The following FAM83H variants were observed in gnomAD, a reference collection of about 807,000 sequenced individuals.
FAM83H encodes the protein scaffolding CK1 anchoring protein H, also known as protein FAM83H.
FAM83H carries 24 observed loss-of-function variants against 30.2 expected under a neutral mutation model. That is an observed-to-expected ratio of 0.79 (90% CI 0.57 to 1.12). FAM83H has a LOEUF of 1.12. FAM83H is among the 50% of genes most tolerant of loss of function. The pLI, the probability that FAM83H is intolerant of heterozygous loss-of-function variation, is 0.00. For synonymous variants in FAM83H, 1,013 were observed against 821.7 expected (o/e 1.23, Z -3.98); for missense variants, 2,038 against 1,773.9 (o/e 1.15, Z -2.67).
Position 143,726,073 on chromosome 8 carries a change from T to C in FAM83H, c.3388A>G (p.Lys1130Glu), listed in dbSNP as rs1818277410. The change falls in exon 5 of 5, where the codon AAG becomes GAG. Residue 1130 changes from lysine to glutamate, a missense_variant. Coordinates refer to ENST00000388913, the MANE Select transcript of FAM83H (RefSeq NM_198488.5). ...ACCTCGAAGCGGCTGTACACGCGCT[T>C]CTCCTTGCGCATGCTCTCCATGCGG... ...LRRMESMRKE[K>E]RVYSRFEVFC... 1.2e-6 allele frequency: 2 copies of C among 1,611,982 alleles called. No individual in the cohort carries two copies. Among genetic ancestry groups the C allele is most frequent in the Non-Finnish European group, 1.7e-6 (2 of 1,179,696 alleles).
rs1478428095 is a variant in FAM83H at position 143,733,102 on chromosome 8, G to C, written c.-16+589C>G. 6.5e-6 allele frequency: 1 copy of C among 154,532 alleles called. No homozygotes were observed. The highest frequency in any genetic ancestry group is 1.5e-5 in the Non-Finnish European group (1 of 68,370). 9.6% of individuals were successfully genotyped at this position (154,532 alleles called of 1,614,324 possible). ...TGGGGTGCGGAGGACGGGGCTCACAGACCGGAAGTCGCTCAGTGATAACTT... is the reference window on the plus strand; with the variant it reads ...TGGGGTGCGGAGGACGGGGCTCACACACCGGAAGTCGCTCAGTGATAACTT... On this transcript the variant is annotated intron_variant, in intron 1 of 4. Transcript: ENST00000388913. This position sits in a 1 kb window ranked among gnomAD's most constrained non-coding sequence, Gnocchi z 5.6.
rs1275219355 is a variant in FAM83H at position 143,727,060 on chromosome 8, G to C, written c.2401C>G (p.Leu801Val). ...LDLRDSFAQQ[L>V]HQEAERQPGA... ...GGCTGCCGCTCCGCCTCCTGGTGCA[G>C]CTGCTGTGCAAAGGAGTCGCGCAGG... The change falls in exon 5 of 5, where the codon CTG (leucine) becomes GTG (valine). Residue 801 changes from leucine (L) to valine (V), a missense_variant. Physicochemically the swap from Leu to Val is conservative, Grantham distance 32 (BLOSUM62 1). Coordinates refer to ENST00000388913, the MANE Select transcript of FAM83H (RefSeq NM_198488.5). 6.5e-7 allele frequency: 1 copy of C among 1,549,308 alleles called. No individual in the cohort carries two copies. The highest frequency in any genetic ancestry group is 8.7e-7 in the Non-Finnish European group (1 of 1,153,552).
rs531814884 is a variant in FAM83H at position 143,726,215 on chromosome 8, T to C, written c.3246A>G (p.Pro1082=). 302 of 1,612,220 alleles carry C rather than the reference T, an allele frequency of 1.9e-4. 3 individuals are homozygous for C. In the South Asian group the frequency reaches 3.2e-3, roughly 17 times the overall value. The change falls in exon 5 of 5, where the codon CCA becomes CCG. Residue 1082 remains proline, a synonymous_variant. Coordinates refer to ENST00000388913, the MANE Select transcript of FAM83H (RefSeq NM_198488.5). The stretch of plus-strand genomic sequence containing the variant: ...AACACTTGTCCTTGTCGGACATATC[T>C]GGGGCCAGGACGCCAGCAGCCGGTG... The part of the protein sequence containing the change: ...GRPPAAGVLA[P]DMSDKDKCSA...
At position 143,725,156 on chromosome 8, in the gene FAM83H, C is replaced by CGGGGGGGGGGGGGGGGGGGGGGGAG. The variant is rs549881150; in HGVS notation, c.*764_*765insCTCCCCCCCCCCCCCCCCCCCCCCC. On this transcript the variant is annotated 3_prime_UTR_variant, in exon 5 of 5. Transcript: ENST00000388913. The stretch of plus-strand genomic sequence containing the variant: ...AAGCCCAGGCGGGGGAGGGGGGAGA[C>CGGGGGGGGGGGGGGGGGGGGGGGAG]GGGGGGGGGGGGGGGGGAGGGAAGG... The CGGGGGGGGGGGGGGGGGGGGGGGAG allele has an allele frequency of 2.7e-5, 1 of 37,534 alleles. No homozygotes were observed. The highest frequency in any genetic ancestry group is 5.5e-5 in the Non-Finnish European group (1 of 18,070). The allele number at this position is 37,534 out of a possible 1,614,324, so 2.3% of individuals were successfully genotyped here.
chr8:143,724,188 A>AG lies in FAM83H; in HGVS notation c.*1732dup, dbSNP rs1366615151. ...CAGGCACCTTTCCCACCTGGCCAGA[A>AG]GTCCCTGCTGTCATCCCGACTTGCA... On this transcript the variant is annotated 3_prime_UTR_variant, in exon 5 of 5. Coordinates refer to ENST00000388913, the MANE Select transcript of FAM83H (RefSeq NM_198488.5). The AG allele has an allele frequency of 6.6e-6, 1 of 152,198 alleles. No homozygotes were observed. The highest frequency in any genetic ancestry group is 2.4e-5 in the African/African-American group (1 of 41,428). The allele number at this position is 152,198 out of a possible 1,614,324, so 9.4% of individuals were successfully genotyped here. A position where few individuals can be genotyped will look rare whatever the true frequency, so the allele number is the denominator to read the frequency against.
chr8:143,728,245 C>A lies in FAM83H; in HGVS notation c.1216G>T (p.Ala406Ser). ...GTCGCGAAGCTGTGCCGCTTGAAGG[C>A]GTCCATCTCCAGGTGCCGCGCCTGG... ...FFQARHLEMD[A>S]FKRHSFATEG... The change falls in exon 5 of 5, where the codon GCC becomes TCC. Residue 406 changes from alanine (A) to serine (S), a missense_variant. Physicochemically the swap from Ala to Ser is moderately conservative, Grantham distance 99. Transcript: ENST00000388913. 6.4e-7 allele frequency: 1 copy of A among 1,574,690 alleles called. No individual in the cohort carries two copies. Among genetic ancestry groups the A allele is most frequent in the Non-Finnish European group, 8.6e-7 (1 of 1,166,812 alleles).
chr8:143,728,646 T>TC lies in FAM83H; in HGVS notation c.814dup (p.Glu272GlyfsTer53). ...CTGCGCGAAGAGGATGCGGAACTCC[T>TC]CGTCGAAGCTGGAGACCAGCTCTCC... On this transcript the variant is annotated frameshift_variant, in exon 5 of 5. Coordinates refer to ENST00000388913, the MANE Select transcript of FAM83H (RefSeq NM_198488.5). LOFTEE classifies it low-confidence loss of function (END_TRUNC). 6.2e-7 allele frequency: 1 copy of TC among 1,606,904 alleles called. No homozygotes were observed. Among genetic ancestry groups the TC allele is most frequent in the Non-Finnish European group, 8.5e-7 (1 of 1,179,876 alleles).
In FAM83H at chr8:143,726,847, T is replaced by C. The variant is rs1278738247; in HGVS notation, c.2614A>G (p.Thr872Ala). Reference sequence around the variant, plus strand: ...CCCTTCCGCTCAGGGTAAGCCGAGGTGGGGCTCCCTTTTGACTCATTATGG... The same window carrying C: ...CCCTTCCGCTCAGGGTAAGCCGAGGCGGGGCTCCCTTTTGACTCATTATGG... ...VLHNESKGSP[T>A]SAYPERKGSP... The change falls in exon 5 of 5, where the codon ACC becomes GCC. Residue 872 changes from threonine (T) to alanine (A), a missense_variant. Physicochemically the swap from Thr to Ala is moderately conservative, Grantham distance 58. Coordinates refer to ENST00000388913, the MANE Select transcript of FAM83H (RefSeq NM_198488.5). The C allele has an allele frequency of 6.1e-5, 98 of 1,612,862 alleles. No individual in the cohort carries two copies. Among genetic ancestry groups the C allele is most frequent in the Non-Finnish European group, 8.1e-5 (96 of 1,179,936 alleles).
intron 2 of FAM83H, 130 bp from the exon 3 acceptor site, chr8:143,729,453 G>T (rs1318289813): frequency 2.0e-6 from 2 of 1,024,502 alleles, no homozygotes; most frequent in Non-Finnish European, 2.9e-6. Context: ...TCCATCCTAG[G>T]GAGTTGGCGC....
intron 1 of FAM83H, chr8:143,731,820 C>T (rs1818531471): frequency 3.0e-6 from 3 of 985,360 alleles, no homozygotes; most frequent in Admixed American, 1.2e-4. Flanking sequence ...CCACTCTGTT[C>T]TCCAAAGGGT....
rs782076121 is a variant in FAM83H at position 143,727,703 on chromosome 8, G to A, written c.1758C>T (p.Tyr586=). ...CATCCTCGCCGTGGCAGCCGCTCAA[G>A]TAGGAGGCCAAACGCCAGCGCCGCA... is the stretch of plus-strand genomic sequence containing the variant. The part of the protein sequence containing the change: ...AGLRRWRLAS[Y]LSGCHGEDGG... The change falls in exon 5 of 5, where the codon TAC becomes TAT. Residue 586 remains tyrosine (Y), a synonymous_variant. Transcript: ENST00000388913. The A allele has an allele frequency of 6.4e-6, 10 of 1,556,488 alleles. No individual in the cohort carries two copies. The Admixed American group carries it at 1.1e-4, about 17-fold the overall frequency.
chr8:143,727,594 C>T lies in FAM83H; in HGVS notation c.1867G>A (p.Gly623Ser), dbSNP rs1402507014. 7 of 1,582,754 alleles carry T rather than the reference C, an allele frequency of 4.4e-6. No individual in the cohort carries two copies. Among genetic ancestry groups the T allele is most frequent in the Non-Finnish European group, 6.0e-6 (7 of 1,171,506 alleles). ...CGGAAGGCCGAGGGGAGCAGGTCGC[C>T]GGCAGGTGCCCGGCCCCCGGGAGCC... is the stretch of plus-strand genomic sequence containing the variant. ...VLAPGGRAPA[G>S]DLLPSAFRVP... Residue 623 changes from glycine (G) to serine (S), a missense_variant, in exon 5 of 5, where the codon GGC becomes AGC. By Grantham distance (56) the Gly-to-Ser change is moderately conservative. Coordinates refer to ENST00000388913, the MANE Select transcript of FAM83H (RefSeq NM_198488.5).
At position 143,728,707 on chromosome 8, in the gene FAM83H, C is replaced by G. The variant is rs948210399; in HGVS notation, c.754G>C (p.Glu252Gln). ...TGCGCCAGGCTGCGGTGGATCTTCT[C>G]AAAGGACCACATGAAGCTGTGGGGG... ...SGSYSFMWSF[E>Q]KIHRSLAHVF... The change falls in exon 5 of 5, where the codon GAG becomes CAG. Residue 252 changes from glutamate to glutamine, a missense_variant. Physicochemically the swap from Glu to Gln is conservative, Grantham distance 29. Coordinates refer to ENST00000388913, the MANE Select transcript of FAM83H (RefSeq NM_198488.5). 10 of 1,599,628 alleles carry G rather than the reference C, an allele frequency of 6.3e-6. No individual in the cohort carries two copies. The highest frequency in any genetic ancestry group is 8.5e-6 in the Non-Finnish European group (10 of 1,179,866).
chr8:143,725,561 A>T lies in FAM83H; in HGVS notation c.*360T>A. ...CAGTGAGCCCAGACCGCTCAACTGC[A>T]CTCCAGCCCTAGGTCTCAAAAAAAT... is the stretch of plus-strand genomic sequence containing the variant. On this transcript the variant is annotated 3_prime_UTR_variant, in exon 5 of 5. Coordinates refer to ENST00000388913, the MANE Select transcript of FAM83H (RefSeq NM_198488.5). 2.6e-6 allele frequency: 1 copy of T among 381,222 alleles called. No homozygotes were observed. Among genetic ancestry groups the T allele is most frequent in the Non-Finnish European group, 4.9e-6 (1 of 205,684 alleles). The allele number at this position is 381,222 out of a possible 1,614,324, so 23.6% of individuals were successfully genotyped here.
Position 143,726,104 on chromosome 8 carries a change from C to G in FAM83H, c.3357G>C (p.Leu1119=). The change falls in exon 5 of 5, where the codon CTG becomes CTC. Residue 1119 remains leucine (L), a synonymous_variant. Transcript: ENST00000388913. ...TGCGCATGCTCTCCATGCGGCGCAG[C>G]AGCCGATCGCGCTCCTCCGCGCTGG... The part of the protein sequence containing the change: ...LPASAEERDR[L]LRRMESMRKE... The G allele has an allele frequency of 6.2e-7, 1 of 1,611,334 alleles. No individual in the cohort carries two copies. The highest frequency in any genetic ancestry group is 8.5e-7 in the Non-Finnish European group (1 of 1,179,298).
At position 143,726,480 on chromosome 8, in the gene FAM83H, C is replaced by T; in HGVS notation, c.2981G>A (p.Gly994Asp). 1 of 1,604,034 alleles carries T rather than the reference C, an allele frequency of 6.2e-7. No homozygotes were observed. Among genetic ancestry groups the T allele is most frequent in the South Asian group, 1.1e-5 (1 of 90,462 alleles). ...EGGFPVPQENGQPESPRRLSL... is the reference protein window; with the variant it reads ...EGGFPVPQENDQPESPRRLSL... The stretch of plus-strand genomic sequence containing the variant: ...CAGACGCCGCGGGCTCTCGGGTTGG[C>T]CGTTCTCCTGCGGCACTGGGAAGCC... Residue 994 changes from glycine to aspartate, a missense_variant, in exon 5 of 5, where the codon GGC becomes GAC. Transcript: ENST00000388913.
In FAM83H at chr8:143,727,417, G is replaced by C. The variant is rs1023265113; in HGVS notation, c.2044C>G (p.Leu682Val). ...LNPLVQRSSR[L>V]RSSLIFSTSQ... ...GTGCTGAAGATGAGCGAGGAGCGCA[G>C]CCTGGAGCTGCGCTGGACCAGGGGG... The change falls in exon 5 of 5, where the codon CTG (leucine) becomes GTG (valine). Residue 682 changes from leucine (L) to valine (V), a missense_variant. Leu to Val is a conservative substitution (Grantham distance 32). Transcript: ENST00000388913. 2 of 1,571,206 alleles carry C rather than the reference G, an allele frequency of 1.3e-6. No homozygotes were observed. Among genetic ancestry groups the C allele is most frequent in the Non-Finnish European group, 1.7e-6 (2 of 1,166,378 alleles).
At chr8:143,732,168 G>A (rs904585635) in intron 1 of FAM83H, 1 of 985,408 alleles carries the variant, frequency 1.0e-6, no homozygotes, top group East Asian at 1.1e-4. Flanking sequence ...GTCCTGCCTG[G>A]TGCCCCTGGG....
rs1818327927 is a variant in FAM83H at position 143,727,116 on chromosome 8, T to A, written c.2345A>T (p.Glu782Val). ...CAGGCAGCTCTCGAGGCTGCGGCGCTCGCCCCCCACGGCACCTGGGGCCGC... is the reference window on the plus strand; with the variant it reads ...CAGGCAGCTCTCGAGGCTGCGGCGCACGCCCCCCACGGCACCTGGGGCCGC... ...EVAAPGAVGG[E>V]RRSLESCLLD... Residue 782 changes from glutamate to valine, a missense_variant, in exon 5 of 5, where the codon GAG becomes GTG. Coordinates refer to ENST00000388913, the MANE Select transcript of FAM83H (RefSeq NM_198488.5). 2 of 1,535,212 alleles carry A rather than the reference T, an allele frequency of 1.3e-6. No homozygotes were observed. Among genetic ancestry groups the A allele is most frequent in the African/African-American group, 2.7e-5 (2 of 73,114 alleles).
Sources: allele counts gnomAD v4.1 joint callset, GRCh38; gene constraint gnomAD v4.1.1; non-coding constraint Gnocchi (gnomAD v3.1); transcripts MANE v1.5; gene names NCBI Gene and HGNC (gene_info 2026-07-23, HGNC 2026-07-21).